Variants in DNASE1 observed in about 807,000 individuals in gnomAD.
DNASE1 encodes deoxyribonuclease-1.
A neutral mutation model predicts 33.9 loss-of-function variants in DNASE1; 40 were observed. That is an observed-to-expected ratio of 1.18 (90% CI 0.92 to 1.54). DNASE1 has a LOEUF of 1.54. Among genes scored for constraint, DNASE1 ranks in the 40% most tolerant of loss-of-function variants. The pLI, the probability that DNASE1 is intolerant of heterozygous loss-of-function variation, is 0.00. For synonymous variants in DNASE1, 216 were observed against 160.0 expected, an observed-to-expected ratio of 1.35 and a Z score of -2.64; for missense variants, 518 against 372.6, an observed-to-expected ratio of 1.39 and a Z score of -3.21.
At chr16:3,651,357 G>C (rs1049480394), upstream of DNASE1, 5 of 152,220 alleles carry the variant, frequency 3.3e-5, no homozygotes, top group Non-Finnish European at 7.3e-5. Flanking sequence ...CTCGGGGTTG[G>C]TGTAAAAACA....
chr16:3,645,580 G>C (rs1225124928), intron 1 of DNASE1, among the ~76,000 whole-genome samples: 1 of 152,206 alleles, frequency 6.6e-6, no homozygotes, highest in Non-Finnish European at 1.5e-5. Flanking sequence ...TGTGGGGAGG[G>C]ACGGGGCAGC....
At chr16:3,629,036 A>G (rs553708605) in intron 1 of DNASE1, among the ~76,000 whole-genome samples, 29 of 150,218 alleles carry the variant, frequency 1.9e-4, no homozygotes, top group African/African-American at 6.8e-4. Context: ...GCCGGGTGTG[A>G]TGGTGGGCGC....
intron 1 of DNASE1, among the ~76,000 whole-genome samples, chr16:3,615,555 CTG>C (rs1424248132): frequency 6.6e-6 from 1 of 152,170 alleles, no homozygotes; most frequent in African/African-American, 2.4e-5. Context: ...ACCCACTGCA[CTG>C]TCAGAACAAC....
intron 1 of DNASE1, among the ~76,000 whole-genome samples, chr16:3,617,509 A>T (rs1203855815): frequency 2.6e-5 from 4 of 152,114 alleles, no homozygotes; most frequent in Admixed American, 2.0e-4. Context: ...TGAGAAGACA[A>T]CCCACAGAAT....
At chr16:3,661,133 C>T (rs907649466), downstream of DNASE1, 1 of 151,910 alleles carries the variant, frequency 6.6e-6, no homozygotes, top group African/African-American at 2.4e-5. Flanking sequence ...TAAAATACCC[C>T]ATAAGACACA....
Position 3,655,916 on chromosome 16 carries a change from A to G in DNASE1, c.215A>G (p.Lys72Arg), listed in dbSNP as rs758801871. 1 of 1,614,026 alleles carries G rather than the reference A, an allele frequency of 6.2e-7. No individual in the cohort carries two copies. The highest frequency in any genetic ancestry group is 8.5e-7 in the Non-Finnish European group (1 of 1,179,996). The change falls in exon 3 of 9, where the codon AAG becomes AGG. Residue 72 changes from lysine to arginine, a missense_variant. Coordinates refer to ENST00000246949, the MANE Select transcript of DNASE1 (RefSeq NM_005223.4). ...VRDSHLTAVG[K>R]LLDNLNQDAP... ...GACAGCCACCTGACTGCCGTGGGGA[A>G]GCTGCTGGACAACCTCAATCAGTGG...
exon 10 of DNASE1, chr16:3,663,862 A>G: frequency 2.5e-6 from 1 of 403,932 alleles, no homozygotes; most frequent in Non-Finnish European, 4.5e-6. Context: ...TCATGAGGTC[A>G]GGAGTTCGAG....
chr16:3,620,709 T>G (rs1298113112), intron 1 of DNASE1, among the ~76,000 whole-genome samples: 1 of 152,126 alleles, frequency 6.6e-6, no homozygotes, highest in East Asian at 1.9e-4. Context: ...ATGTGTGTGT[T>G]TTTATTTCTT....
rs543868268 is a variant in DNASE1 at position 3,633,251 on chromosome 16, A to T, written c.-1358-7464A>T. Among the ~76,000 whole-genome samples, 3 of 152,160 alleles carry T rather than the reference A, an allele frequency of 2.0e-5. No homozygotes were observed. The South Asian group carries it at 6.2e-4, about 32-fold the overall frequency. ...CTGCTTTCTCTGGCTTTAATTGAAC[A>T]TTTTATATGATTACATTTTTTCCTC... On this transcript the variant is annotated intron_variant and NMD_transcript_variant, in intron 1 of 11. Coordinates refer to the DNASE1 transcript ENST00000570769.
At chr16:3,626,684 C>G (rs899024944) in intron 1 of DNASE1, among the ~76,000 whole-genome samples, 2 of 152,122 alleles carry the variant, frequency 1.3e-5, no homozygotes, top group Non-Finnish European at 2.9e-5. Context: ...GATTTTCTGT[C>G]TACTGGTTCT....
chr16:3,654,168 C>A, upstream of DNASE1: 2 of 394,598 alleles, frequency 5.1e-6, no homozygotes, highest in Non-Finnish European at 8.9e-6. Context: ...TGAGGCCTGG[C>A]CTTTAGCTGC....
At chr16:3,624,936 A>G (rs942533861) in intron 1 of DNASE1, among the ~76,000 whole-genome samples, 2 of 151,948 alleles carry the variant, frequency 1.3e-5, no homozygotes, top group Non-Finnish European at 2.9e-5. Flanking sequence ...GGCTCAAGTG[A>G]TTTGCTTGCC....
At chr16:3,639,105 T>C (rs959094469), upstream of DNASE1, among the ~76,000 whole-genome samples, 6 of 152,238 alleles carry the variant, frequency 3.9e-5, no homozygotes, top group Non-Finnish European at 5.9e-5. Flanking sequence ...CATATTTTCC[T>C]CTCTTTCTTG....
chr16:3,655,930 C>CTCAA lies in DNASE1; in HGVS notation c.233_236dup (p.Asp80SerfsTer13). The CTCAA allele has an allele frequency of 3.1e-6, 5 of 1,613,738 alleles. No homozygotes were observed. Among genetic ancestry groups the CTCAA allele is most frequent in the Non-Finnish European group, 4.2e-6 (5 of 1,179,716 alleles). On this transcript the variant is annotated frameshift_variant, in exon 3 of 9. Transcript: ENST00000246949. LOFTEE classifies it high-confidence loss of function. The stretch of plus-strand genomic sequence containing the variant: ...TGCCGTGGGGAAGCTGCTGGACAAC[C>CTCAA]TCAATCAGTGGGTGACAGTGGCAGG...
chr16:3,656,886 T>C, intron 5 of DNASE1, 113 bp from the exon 6 acceptor site: 1 of 1,544,526 alleles, frequency 6.5e-7, no homozygotes, highest in Non-Finnish European at 8.7e-7. Flanking sequence ...ATTCAAGTCA[T>C]TTGGAAAATA....
At chr16:3,658,258 T>C (rs756827872), downstream of DNASE1, 1 of 1,567,750 alleles carries the variant, frequency 6.4e-7, no homozygotes, top group Admixed American at 1.7e-5. Flanking sequence ...AAACCCATTA[T>C]GAGGGGCATG....
At chr16:3,627,866 T>A (rs2041564477) in intron 1 of DNASE1, among the ~76,000 whole-genome samples, 2 of 150,080 alleles carry the variant, frequency 1.3e-5, no homozygotes, top group Admixed American at 6.7e-5. Context: ...TTTTTCTTTT[T>A]CAACATGGTG....
chr16:3,628,467 A>G (rs1232058235), intron 1 of DNASE1, among the ~76,000 whole-genome samples: 1 of 152,150 alleles, frequency 6.6e-6, no homozygotes, highest in African/African-American at 2.4e-5. Flanking sequence ...GTTAAATAGT[A>G]GTGGTAAAGG....
At chr16:3,635,231 A>G (rs1199227471) in intron 1 of DNASE1, among the ~76,000 whole-genome samples, 4 of 151,906 alleles carry the variant, frequency 2.6e-5, no homozygotes, top group Admixed American at 2.6e-4. Context: ...GCTGAGGCAG[A>G]TGGATCGCTT....
Sources: allele counts gnomAD v4.1 joint callset (sites outside exome capture counted in the v4.1 genomes callset), GRCh38; gene constraint gnomAD v4.1.1; transcripts MANE v1.5; gene names NCBI Gene and HGNC (gene_info 2026-07-23, HGNC 2026-07-21).